Variants in CREB1 observed in about 807,000 individuals in gnomAD.
CREB1 encodes the protein cAMP responsive element binding protein 1.
Under a neutral mutation model 42.0 loss-of-function variants are expected in CREB1, and 2 were observed. The ratio of observed to expected loss-of-function variants is 0.05; its 90% CI spans 0.02 to 0.15. CREB1 has a LOEUF of 0.15. Among genes scored for constraint, CREB1 ranks in the 10% least tolerant of loss-of-function variants. The pLI, the probability that CREB1 is intolerant of heterozygous loss-of-function variation, is 1.00. For synonymous variants in CREB1, 123 were observed against 139.9 expected, an observed-to-expected ratio of 0.88 and a Z score of 0.85; for missense variants, 199 against 388.9, an observed-to-expected ratio of 0.51 and a Z score of 4.11.
chr2:207,578,637 T>TTG lies in CREB1; in HGVS notation c.839+995_839+996dup, dbSNP rs896383468. 1.1e-4 allele frequency among the ~76,000 whole-genome samples: 17 copies of TTG among 152,114 alleles called. No individual in the cohort carries two copies. In the South Asian group the frequency reaches 2.3e-3, roughly 20 times the overall value. Reference sequence around the variant, plus strand: ...ACTGTAGTGCTCTGTTGAAATGGGTTTGTGTGTGTGTGTGCAATTTCACAG... The same window carrying TTG: ...ACTGTAGTGCTCTGTTGAAATGGGTTTGTGTGTGTGTGTGTGCAATTTCACAG... On this transcript the variant is annotated intron_variant, in intron 7 of 7. Coordinates refer to ENST00000353267, the MANE Select transcript of CREB1 (RefSeq NM_004379.5).
At chr2:207,584,964 G>A (rs962912342) in intron 7 of CREB1, among the ~76,000 whole-genome samples, 41 of 151,994 alleles carry the variant, frequency 2.7e-4, no homozygotes, top group African/African-American at 9.7e-4. Flanking sequence ...CATCATGCTT[G>A]TGGTATTTAT....
At chr2:207,588,325 C>T (rs1442526286) in intron 7 of CREB1, among the ~76,000 whole-genome samples, 2 of 151,956 alleles carry the variant, frequency 1.3e-5, no homozygotes, top group Non-Finnish European at 2.9e-5. Flanking sequence ...TGCCCTTGCT[C>T]TTTTTTTCAA....
rs372110162 is a variant in CREB1 at position 207,548,859 on chromosome 2, GT to G, written c.-8-6766del. ...TATTTTGGTATTTACTATTAATACA[GT>G]TTATAAAAGTAAACAAATTTTCAAG... On this transcript the variant is annotated intron_variant, in intron 1 of 7. Transcript: ENST00000353267. 7.8e-4 allele frequency among the ~76,000 whole-genome samples: 118 copies of G among 152,200 alleles called. 2 individuals are homozygous for G. In the East Asian group the frequency reaches 0.022, roughly 28 times the overall value.
intron 1 of CREB1, among the ~76,000 whole-genome samples, chr2:207,530,900 C>T (rs944835871): frequency 2.6e-5 from 4 of 151,704 alleles, no homozygotes; most frequent in Non-Finnish European, 5.9e-5. Context: ...TGCTTTCTGC[C>T]CTGTGTTGCT....
chr2:207,604,518 A>T lies in CREB1; in HGVS notation c.*7460A>T, dbSNP rs1321485518. Among the ~76,000 whole-genome samples, 1 of 152,176 alleles carries T rather than the reference A, an allele frequency of 6.6e-6. No homozygotes were observed. The highest frequency in any genetic ancestry group is 2.4e-5 in the African/African-American group (1 of 41,444). On this transcript the variant is annotated 3_prime_UTR_variant, in exon 8 of 8. Coordinates refer to ENST00000353267, the MANE Select transcript of CREB1 (RefSeq NM_004379.5). ...TTCTTAAGTGCAGTGACCAAACCGG[A>T]TGAGAATTCTAACACGGGCCTGACA...
chr2:207,575,934 T>C (rs866690161), intron 6 of CREB1, among the ~76,000 whole-genome samples: 436 of 14,178 alleles, frequency 0.031, 7 homozygotes, highest in Middle Eastern at 0.071. Flanking sequence ...TTTCTCTGCT[T>C]CCCCCCCCCC....
chr2:207,561,490 T>C (rs1574838205), intron 3 of CREB1, among the ~76,000 whole-genome samples: 1 of 152,190 alleles, frequency 6.6e-6, no homozygotes, highest in Admixed American at 6.5e-5. Context: ...ATCCAAAATA[T>C]ATCTTCCTAA....
intron 7 of CREB1, among the ~76,000 whole-genome samples, chr2:207,593,225 T>TA (rs2106636747): frequency 6.6e-6 from 1 of 152,304 alleles, no homozygotes; most frequent in Admixed American, 6.5e-5. Flanking sequence ...ATGTTAGTCA[T>TA]ACTTAAAATT....
intron 3 of CREB1, among the ~76,000 whole-genome samples, chr2:207,564,223 T>C (rs2082056706): frequency 6.6e-6 from 1 of 152,094 alleles, no homozygotes; most frequent in South Asian, 2.1e-4. Flanking sequence ...CTTGATCCAA[T>C]GAGTAAAACA....
intron 3 of CREB1, among the ~76,000 whole-genome samples, chr2:207,563,483 G>A (rs919492309): frequency 6.6e-6 from 1 of 152,124 alleles, no homozygotes; most frequent in Non-Finnish European, 1.5e-5. Context: ...CTCATTGAAA[G>A]CTTGCATAAT....
chr2:207,533,232 A>T (rs1458845026), intron 1 of CREB1, among the ~76,000 whole-genome samples: 2 of 152,014 alleles, frequency 1.3e-5, no homozygotes, highest in Non-Finnish European at 2.9e-5. Flanking sequence ...TTGTTTACAT[A>T]AAGAGCCTGA....
chr2:207,601,534 TAACTC>T lies in CREB1; in HGVS notation c.*4479_*4483del, dbSNP rs375357358. On this transcript the variant is annotated 3_prime_UTR_variant, in exon 8 of 8. Coordinates refer to ENST00000353267, the MANE Select transcript of CREB1 (RefSeq NM_004379.5). ...TCTTGGATGAAGATTGAAGGGAAAA[TAACTC>T]AAGTGCATAATATTTATTTTCAATT... The T allele has an allele frequency of 1.5e-4, 30 of 197,592 alleles. No homozygotes were observed. The highest frequency in any genetic ancestry group is 2.3e-4 in the African/African-American group (10 of 43,496). The allele number at this position is 197,592 out of a possible 1,614,324, so 12.2% of individuals were successfully genotyped here. A position where few individuals can be genotyped will look rare whatever the true frequency, so the allele number is the denominator to read the frequency against.
At chr2:207,540,880 T>A (rs766581958) in intron 1 of CREB1, among the ~76,000 whole-genome samples, 1 of 152,176 alleles carries the variant, frequency 6.6e-6, no homozygotes, top group Non-Finnish European at 1.5e-5. Flanking sequence ...TACAGTAAGC[T>A]ACGGTTAATG....
intron 2 of CREB1, among the ~76,000 whole-genome samples, chr2:207,556,940 G>A (rs1036901327): frequency 3.3e-5 from 5 of 151,968 alleles, no homozygotes; most frequent in Non-Finnish European, 4.4e-5. Context: ...AGTTCAAGAC[G>A]AGCCTGGCCA....
chr2:207,589,825 A>G (rs1192893982), intron 7 of CREB1, among the ~76,000 whole-genome samples: 2 of 152,176 alleles, frequency 1.3e-5, no homozygotes, highest in Non-Finnish European at 2.9e-5. Context: ...ATGAAGTATC[A>G]TTTATACATT....
intron 7 of CREB1, chr2:207,578,007 A>T: frequency 3.5e-6 from 1 of 285,888 alleles, no homozygotes; most frequent in East Asian, 9.1e-5. Flanking sequence ...AGTTTCATAT[A>T]TGTATATTAA....
chr2:207,570,334 C>T lies in CREB1; in HGVS notation c.505+13C>T, dbSNP rs761154605. The stretch of plus-strand genomic sequence containing the variant: ...AGTGGACAGTATAGTGAGTAATAGA[C>T]AATTTCTGTTTCTATTGTGAGGAGA... On this transcript the variant is annotated intron_variant, in intron 5 of 7. Coordinates refer to ENST00000353267, the MANE Select transcript of CREB1 (RefSeq NM_004379.5). 6.3e-7 allele frequency: 1 copy of T among 1,578,266 alleles called. No homozygotes were observed. The highest frequency in any genetic ancestry group is 8.6e-7 in the Non-Finnish European group (1 of 1,163,810).
At chr2:207,585,511 A>C (rs950189313) in intron 7 of CREB1, among the ~76,000 whole-genome samples, 1 of 152,240 alleles carries the variant, frequency 6.6e-6, no homozygotes, top group Non-Finnish European at 1.5e-5. Context: ...AGGACACAAG[A>C]AACATAAAAT....
intron 7 of CREB1, among the ~76,000 whole-genome samples, chr2:207,580,396 GAAAT>G (rs1467284825): frequency 1.3e-5 from 2 of 152,122 alleles, no homozygotes; most frequent in South Asian, 4.1e-4. Context: ...ATATTTGAGA[GAAAT>G]AAACCTTATT....
Sources: gnomAD v4.1 joint callset for allele counts (sites outside exome capture counted in the v4.1 genomes callset) on GRCh38, gnomAD v4.1.1 for gene constraint, MANE v1.5 for transcripts, NCBI Gene and HGNC (gene_info 2026-07-23, HGNC 2026-07-21) for gene names.